The following BMPER variants were observed in gnomAD, a reference collection of about 807,000 sequenced individuals.
BMPER encodes the protein BMP-binding endothelial regulator protein.
In BMPER, 45 loss-of-function variants were observed where a neutral mutation model predicts 87.3. That is an observed-to-expected ratio of 0.52 (90% CI 0.41 to 0.66). BMPER has a LOEUF of 0.66. BMPER is among the 30% of genes least tolerant of loss of function. The probability of loss-of-function intolerance (pLI) is 0.00; values close to 1 mark genes in which losing one functional copy is unlikely to be tolerated. For missense variants in BMPER, 784 were observed against 867.5 expected (o/e 0.90, Z 1.21); for synonymous variants, 326 against 316.2 (o/e 1.03, Z -0.33).
intron 12 of BMPER, among the ~76,000 whole-genome samples, chr7:34,084,005 A>G (rs1789129096): frequency 6.8e-6 from 1 of 147,578 alleles, no homozygotes; most frequent in Non-Finnish European, 1.5e-5. Flanking sequence ...AAGATTTAAA[A>G]AAAAAAAAAA....
At chr7:33,905,431 TG>T (rs1562621112), upstream of BMPER, 1 of 13,754 alleles carries the variant, frequency 7.3e-5, no homozygotes, top group Non-Finnish European at 1.4e-4. Flanking sequence ...CCCCACACCT[TG>T]GTCTCTCCCC....
intron 2 of BMPER, among the ~76,000 whole-genome samples, chr7:33,914,642 G>A (rs531033297): frequency 1.3e-5 from 2 of 152,286 alleles, no homozygotes; most frequent in South Asian, 4.1e-4. Flanking sequence ...TGTCTGCATA[G>A]AAATAAACTT....
At chr7:33,905,894 C>A in intron 1 of BMPER, 148 bp downstream of exon 1, 1 of 1,163,882 alleles carries the variant, frequency 8.6e-7, no homozygotes, top group Non-Finnish European at 1.2e-6. Context: ...GAAGCGAAGC[C>A]CCGGGAGGGC....
chr7:34,086,672 TGGAG>T (rs1460890744), intron 13 of BMPER, among the ~76,000 whole-genome samples: 1 of 152,176 alleles, frequency 6.6e-6, no homozygotes, highest in Non-Finnish European at 1.5e-5. Flanking sequence ...GGCTTGAGGA[TGGAG>T]GGAGGAAGGA....
At position 33,936,512 on chromosome 7, in the gene BMPER, G is replaced by A. The variant is rs530680838; in HGVS notation, c.220-777G>A. On this transcript the variant is annotated intron_variant, in intron 2 of 14. Transcript: ENST00000649409. ...AAGCCACATCAGCTAGCATGTGGTC[G>A]CCGCTTGATAAATCTCACATTTTGT... Among the ~76,000 whole-genome samples, 19 of 152,300 alleles carry A rather than the reference G, an allele frequency of 1.2e-4. No homozygotes were observed. The South Asian group carries it at 3.9e-3, about 32-fold the overall frequency.
At chr7:34,136,232 G>A (rs953525982) in intron 13 of BMPER, among the ~76,000 whole-genome samples, 2 of 152,166 alleles carry the variant, frequency 1.3e-5, no homozygotes, top group African/African-American at 4.8e-5. Context: ...CAGCCTCACA[G>A]TTCCCAGGAT....
At chr7:33,908,453 C>T (rs28774690) in intron 2 of BMPER, among the ~76,000 whole-genome samples, 60 of 152,150 alleles carry the variant, frequency 3.9e-4, no homozygotes, top group African/African-American at 1.3e-3. Context: ...AGCATTCCCC[C>T]CTTTTCAGTA....
At chr7:33,937,163 C>T (rs950185075) in intron 2 of BMPER, 126 bp from the exon 3 acceptor site, 4 of 952,376 alleles carry the variant, frequency 4.2e-6, no homozygotes, top group Admixed American at 3.9e-5. Context: ...TATTTGCTCT[C>T]ACAGCGTCTT....
chr7:34,074,505 T>G (rs974879187), intron 11 of BMPER, among the ~76,000 whole-genome samples: 3 of 152,220 alleles, frequency 2.0e-5, no homozygotes, highest in Non-Finnish European at 4.4e-5. Context: ...TCACTCAAGC[T>G]TGGCATCATC....
chr7:34,082,154 C>G (rs1381150286), intron 12 of BMPER, among the ~76,000 whole-genome samples: 1 of 152,120 alleles, frequency 6.6e-6, no homozygotes, highest in Non-Finnish European at 1.5e-5. Context: ...CTTTAGCCTT[C>G]TGACTCTGCC....
intron 5 of BMPER, among the ~76,000 whole-genome samples, chr7:33,974,227 G>C (rs1367621769): frequency 6.6e-6 from 1 of 152,134 alleles, no homozygotes; most frequent in Non-Finnish European, 1.5e-5. Context: ...GGATCATTGG[G>C]GATGTGGAGT....
chr7:33,914,938 G>T (rs573851744), intron 2 of BMPER, among the ~76,000 whole-genome samples: 1 of 152,214 alleles, frequency 6.6e-6, no homozygotes, highest in South Asian at 2.1e-4. Flanking sequence ...CATCTTCTTG[G>T]ACTATTTGAA....
At chr7:33,984,233 C>T (rs1164157995) in intron 6 of BMPER, among the ~76,000 whole-genome samples, 4 of 152,028 alleles carry the variant, frequency 2.6e-5, no homozygotes, top group African/African-American at 4.8e-5. Flanking sequence ...TTTGGGAGGC[C>T]GAGGCGGGTG....
At chr7:33,936,091 G>A (rs567011204) in intron 2 of BMPER, among the ~76,000 whole-genome samples, 1 of 152,102 alleles carries the variant, frequency 6.6e-6, no homozygotes, top group Admixed American at 6.5e-5. Context: ...GTGTCTCCTT[G>A]GTTCTGAGCA....
chr7:34,144,156 G>C (rs1562771061), intron 14 of BMPER, among the ~76,000 whole-genome samples: 3 of 152,140 alleles, frequency 2.0e-5, no homozygotes, highest in Non-Finnish European at 2.9e-5. Context: ...CCCTGAAGGA[G>C]TGAAGGGAGT....
chr7:34,127,632 A>G (rs1790441288), intron 13 of BMPER, among the ~76,000 whole-genome samples: 1 of 152,110 alleles, frequency 6.6e-6, no homozygotes, highest in Admixed American at 6.5e-5. Context: ...CCTTTCTACT[A>G]CCGGCTTCTT....
chr7:33,920,330 T>TA (rs1030841979), intron 2 of BMPER, among the ~76,000 whole-genome samples: 4 of 150,968 alleles, frequency 2.6e-5, no homozygotes, highest in Middle Eastern at 6.9e-3. Flanking sequence ...CAGGGAAGGC[T>TA]AAAAAATGCA....
chr7:33,966,561 G>C lies in BMPER; in HGVS notation c.402G>C (p.Gln134His). ...PAEPCVLRQC[Q>H]EGVVTESGVR... ...AGCCTTGTGTTCTACGCCAGTGCCA[G>C]GTAAAGTTCAATTATTTCTCTCTCC... Residue 134 changes from glutamine (Q) to histidine (H), a missense_variant and splice_region_variant, in exon 4 of 15, where the codon CAG becomes CAC. Gln to His is a conservative substitution (Grantham distance 24). Transcript: ENST00000649409. 6.2e-7 allele frequency: 1 copy of C among 1,613,058 alleles called. No homozygotes were observed. Among genetic ancestry groups the C allele is most frequent in the Non-Finnish European group, 8.5e-7 (1 of 1,179,174 alleles).
intron 6 of BMPER, among the ~76,000 whole-genome samples, chr7:33,977,288 A>G (rs1353133705): frequency 6.6e-6 from 1 of 151,944 alleles, no homozygotes; most frequent in Non-Finnish European, 1.5e-5. Flanking sequence ...AAAAAAAAAA[A>G]GTAATGTCTT....
Sources: gnomAD v4.1 joint callset for allele counts (sites outside exome capture counted in the v4.1 genomes callset) on GRCh38, gnomAD v4.1.1 for gene constraint, MANE v1.5 for transcripts, NCBI Gene and HGNC (gene_info 2026-07-23, HGNC 2026-07-21) for gene names.